PTPRD: variants seen among roughly 807,000 people sequenced by gnomAD.
The protein encoded by PTPRD is protein tyrosine phosphatase receptor type D.
A neutral mutation model predicts 214.5 loss-of-function variants in PTPRD; 34 were observed. The observed-to-expected ratio is 0.16, with a 90% confidence interval of 0.12 to 0.21. The LOEUF is 0.21. Ranked by LOEUF, PTPRD falls within the 10% of genes least tolerant of loss-of-function variation. The pLI, the probability that PTPRD is intolerant of heterozygous loss-of-function variation, is 1.00. For synonymous variants in PTPRD, 1,128 were observed against 845.7 expected (o/e 1.33, Z -5.79); for missense variants, 2,545 against 2,398.7 (o/e 1.06, Z -1.27).
chr9:8,605,217 T>G (rs2095133481), intron 14 of PTPRD, among the ~76,000 whole-genome samples: 1 of 152,184 alleles, frequency 6.6e-6, no homozygotes, highest in African/African-American at 2.4e-5. Context: ...TGGAAAAATG[T>G]GGGTGAGCAA....
intron 9 of PTPRD, among the ~76,000 whole-genome samples, chr9:9,392,979 G>C (rs2066418120): frequency 6.6e-6 from 1 of 152,108 alleles, no homozygotes; most frequent in African/African-American, 2.4e-5. Context: ...CCTGTCATTT[G>C]CAGAGGGGAG....
intron 14 of PTPRD, among the ~76,000 whole-genome samples, chr9:8,538,478 T>C (rs2077486975): frequency 6.6e-6 from 1 of 151,716 alleles, no homozygotes; most frequent in Admixed American, 6.6e-5. Context: ...TTCTTCACCA[T>C]ATTTTGGTAA....
chr9:8,570,807 C>A (rs746809252), intron 14 of PTPRD, among the ~76,000 whole-genome samples: 1 of 151,876 alleles, frequency 6.6e-6, no homozygotes, highest in Non-Finnish European at 1.5e-5. Context: ...TTTGTCTGCA[C>A]AAAGCACCAT....
At chr9:9,872,783 A>G (rs1257383879) in intron 5 of PTPRD, among the ~76,000 whole-genome samples, 1 of 152,204 alleles carries the variant, frequency 6.6e-6, no homozygotes, top group Non-Finnish European at 1.5e-5. Context: ...TTAAAAAAGT[A>G]ATTGAGTATG....
intron 6 of PTPRD, among the ~76,000 whole-genome samples, chr9:9,743,840 C>G (rs930272543): frequency 6.6e-6 from 1 of 151,666 alleles, no homozygotes; most frequent in Admixed American, 6.6e-5. Flanking sequence ...ATTTGACTCT[C>G]TATAAGGTCT....
At chr9:8,932,278 T>C (rs2098958226) in intron 11 of PTPRD, among the ~76,000 whole-genome samples, 1 of 152,186 alleles carries the variant, frequency 6.6e-6, no homozygotes, top group Non-Finnish European at 1.5e-5. Flanking sequence ...TCTTTCCCAT[T>C]TTCTCCTGTG....
chr9:10,042,249 T>G (rs1159605265), intron 3 of PTPRD, among the ~76,000 whole-genome samples: 1 of 151,976 alleles, frequency 6.6e-6, no homozygotes, highest in Admixed American at 6.6e-5. Flanking sequence ...ATTTAAAATT[T>G]GTTCCATTTC....
chr9:9,621,951 G>C (rs1388653849), intron 7 of PTPRD, among the ~76,000 whole-genome samples: 1 of 152,146 alleles, frequency 6.6e-6, no homozygotes, highest in African/African-American at 2.4e-5. Context: ...AATAAGCTTA[G>C]GCATCCAGTC....
chr9:9,615,740 C>T (rs1366048179), intron 7 of PTPRD, among the ~76,000 whole-genome samples: 2 of 152,232 alleles, frequency 1.3e-5, no homozygotes, highest in East Asian at 3.9e-4. Flanking sequence ...AGGCTCTTTA[C>T]AAACATTATC....
chr9:9,920,788 G>A (rs928527498), intron 5 of PTPRD, among the ~76,000 whole-genome samples: 1 of 152,062 alleles, frequency 6.6e-6, no homozygotes, highest in East Asian at 1.9e-4. Flanking sequence ...AGAAAATGTA[G>A]ATGCCAGCAT....
intron 4 of PTPRD, among the ~76,000 whole-genome samples, chr9:10,019,108 T>C (rs1289284424): frequency 6.6e-6 from 1 of 152,024 alleles, no homozygotes; most frequent in African/African-American, 2.4e-5. Context: ...CATCAAAAAG[T>C]GGGCGAAAGA....
At chr9:9,483,287 C>T (rs10977816) in intron 8 of PTPRD, among the ~76,000 whole-genome samples, 12,219 of 152,156 alleles carry the variant, frequency 0.08, 497 homozygotes, top group Middle Eastern at 0.2. Context: ...TCAGCTGTCA[C>T]TAGTAATTTC....
intron 8 of PTPRD, among the ~76,000 whole-genome samples, chr9:9,505,888 G>A (rs1246639822): frequency 6.6e-6 from 1 of 151,384 alleles, no homozygotes; most frequent in African/African-American, 2.4e-5. Context: ...ATGGACTACA[G>A]TGACGGGACA....
intron 27 of PTPRD, among the ~76,000 whole-genome samples, chr9:8,490,686 T>A (rs893532299): frequency 2.0e-5 from 3 of 152,150 alleles, no homozygotes; most frequent in Non-Finnish European, 4.4e-5. Flanking sequence ...TTCATAAGCA[T>A]TGAAACATAA....
At chr9:8,510,135 T>TA (rs1182046164) in intron 21 of PTPRD, among the ~76,000 whole-genome samples, 1 of 151,536 alleles carries the variant, frequency 6.6e-6, no homozygotes, top group Non-Finnish European at 1.5e-5. Context: ...TAATAAAACT[T>TA]AAAAAAATCA....
intron 5 of PTPRD, among the ~76,000 whole-genome samples, chr9:9,859,087 CTGA>C (rs1298200075): frequency 2.0e-5 from 3 of 152,054 alleles, no homozygotes; most frequent in Non-Finnish European, 4.4e-5. Context: ...CAAAAAAGGG[CTGA>C]TGATTTTAAA....
intron 11 of PTPRD, among the ~76,000 whole-genome samples, chr9:8,840,128 C>G (rs937387232): frequency 1.3e-5 from 2 of 152,106 alleles, no homozygotes; most frequent in Non-Finnish European, 1.5e-5. Flanking sequence ...ACATCAGTAT[C>G]CCTTTACAAC....
At chr9:8,380,314 C>T (rs919503270) in intron 37 of PTPRD, among the ~76,000 whole-genome samples, 26 of 152,174 alleles carry the variant, frequency 1.7e-4, no homozygotes, top group African/African-American at 6.0e-4. Flanking sequence ...ATAGGTGGTT[C>T]TGAGATTCCA....
chr9:8,581,908 A>T, intron 14 of PTPRD, among the ~76,000 whole-genome samples: 1 of 124,406 alleles, frequency 8.0e-6, no homozygotes. Flanking sequence ...GCATGACTCA[A>T]TCTCCAAAAA....
Sources: allele counts gnomAD v4.1 joint callset (sites outside exome capture counted in the v4.1 genomes callset), GRCh38; gene constraint gnomAD v4.1.1; transcripts MANE v1.5; gene names NCBI Gene and HGNC (gene_info 2026-07-23, HGNC 2026-07-21).